Variants in FNDC3A observed in about 807,000 individuals in gnomAD.
The protein encoded by FNDC3A is fibronectin type-III domain-containing protein 3A.
FNDC3A carries 32 observed loss-of-function variants against 148.9 expected under a neutral mutation model. The observed-to-expected ratio is 0.21, with a 90% CI of 0.16 to 0.29. The LOEUF (loss-of-function observed/expected upper bound fraction) is 0.29, where lower values mean the gene tolerates loss of function less well. Among genes scored for constraint, FNDC3A ranks in the 10% least tolerant of loss-of-function variants. The pLI, the probability that FNDC3A is intolerant of heterozygous loss-of-function variation, is 1.00. For synonymous variants in FNDC3A, 472 were observed against 473.6 expected (o/e 1.00, Z 0.04); for missense variants, 1,191 against 1,452.8 (o/e 0.82, Z 2.93).
chr13:49,101,794 GTTT>G (rs570292116), intron 3 of FNDC3A, among the ~76,000 whole-genome samples: 1 of 103,366 alleles, frequency 9.7e-6, no homozygotes, highest in Non-Finnish European at 2.1e-5. Flanking sequence ...ACCTGCTTTA[GTTT>G]TTTTTTTTTT....
At chr13:49,057,710 T>C (rs544208362) in intron 2 of FNDC3A, among the ~76,000 whole-genome samples, 17 of 152,226 alleles carry the variant, frequency 1.1e-4, no homozygotes, top group African/African-American at 3.9e-4. Flanking sequence ...ATAGAATTTT[T>C]GTTCTCAACC....
intron 2 of FNDC3A, among the ~76,000 whole-genome samples, chr13:49,012,726 A>G (rs1441051612): frequency 6.6e-6 from 1 of 151,480 alleles, no homozygotes; most frequent in Non-Finnish European, 1.5e-5. Context: ...GTGAAGTTTT[A>G]TAATTTTTCC....
intron 1 of FNDC3A, among the ~76,000 whole-genome samples, chr13:48,983,130 C>T (rs2137548154): frequency 6.6e-6 from 1 of 152,158 alleles, no homozygotes; most frequent in East Asian, 1.9e-4. Flanking sequence ...TGTCACACTC[C>T]CTCCCCTTTA....
At chr13:49,186,947 GTAAA>G (rs1419315958) in intron 15 of FNDC3A, among the ~76,000 whole-genome samples, 171 bp from the exon 16 acceptor site, 1 of 151,902 alleles carries the variant, frequency 6.6e-6, no homozygotes, top group African/African-American at 2.4e-5. Flanking sequence ...TTTAAATATG[GTAAA>G]TTAAGTGAAA....
In FNDC3A at chr13:49,011,292, G is replaced by C. The variant is rs911418082; in HGVS notation, c.99+5003G>C. ...TCTGTCACCCAGGCTGGAGTGCAGT[G>C]GCGTGATCTCGGCTCACTGCAACCT... On this transcript the variant is annotated intron_variant, in intron 2 of 25. Transcript: ENST00000492622. Among the ~76,000 whole-genome samples, 115 of 151,970 alleles carry C rather than the reference G, an allele frequency of 7.6e-4. 3 individuals carry two copies. Among genetic ancestry groups the C allele is most frequent in the Non-Finnish European group, 1.9e-4 (13 of 67,988 alleles).
At chr13:49,065,229 TG>T (rs1877185417) in intron 2 of FNDC3A, among the ~76,000 whole-genome samples, 1 of 152,184 alleles carries the variant, frequency 6.6e-6, no homozygotes, top group African/African-American at 2.4e-5. Context: ...TCCCCATCTC[TG>T]TGGCATCTTC....
At chr13:49,088,852 C>G (rs1878991975) in intron 3 of FNDC3A, among the ~76,000 whole-genome samples, 1 of 152,096 alleles carries the variant, frequency 6.6e-6, no homozygotes, top group South Asian at 2.1e-4. Context: ...AGGCATGAGG[C>G]ACTGCACACA....
At chr13:49,021,413 A>G (rs1873317881) in intron 2 of FNDC3A, among the ~76,000 whole-genome samples, 1 of 152,210 alleles carries the variant, frequency 6.6e-6, no homozygotes, top group Non-Finnish European at 1.5e-5. Context: ...AAGCCCTGGG[A>G]CTGGGTGTTT....
At chr13:49,076,053 A>T (rs1470348945) in intron 3 of FNDC3A, among the ~76,000 whole-genome samples, 2 of 152,038 alleles carry the variant, frequency 1.3e-5, no homozygotes. Context: ...CAAACAGAAA[A>T]GTCTCTGGAT....
intron 2 of FNDC3A, chr13:49,044,642 C>G (rs1875217196): frequency 4.7e-6 from 1 of 211,794 alleles, no homozygotes; most frequent in South Asian, 7.3e-5. Flanking sequence ...TGCGCTCCAG[C>G]CTGGGCGACA....
intron 1 of FNDC3A, among the ~76,000 whole-genome samples, chr13:48,979,763 TAATTA>T (rs1432733659): frequency 2.0e-5 from 3 of 152,276 alleles, no homozygotes; most frequent in African/African-American, 7.2e-5. Flanking sequence ...GAGTGCTAGA[TAATTA>T]AATATTTTAG....
intron 14 of FNDC3A, among the ~76,000 whole-genome samples, chr13:49,183,915 A>G (rs1885432855): frequency 6.6e-6 from 1 of 152,126 alleles, no homozygotes; most frequent in Admixed American, 6.6e-5. Flanking sequence ...TTGAGCATCT[A>G]CTCTCTGCTA....
rs777060292 is a variant in FNDC3A, at chr13:49,138,735, TA to T, written c.761-11del. On this transcript the variant is annotated splice_polypyrimidine_tract_variant and intron_variant, in intron 6 of 25. Coordinates refer to ENST00000492622, the MANE Select transcript of FNDC3A (RefSeq NM_001079673.2). ...CTTTTTTTTAAATATTCAAATGTTT[TA>T]TTTTTTTAAGAAAAAGATGAAGAAA... 3.7e-6 allele frequency: 5 copies of T among 1,352,032 alleles called. No individual in the cohort carries two copies. The South Asian group carries it at 5.4e-5, about 15-fold the overall frequency. The allele number at this position is 1,352,032 out of a possible 1,614,324, so 83.8% of individuals were successfully genotyped here.
At chr13:49,205,062 C>T (rs1886587629) in intron 25 of FNDC3A, among the ~76,000 whole-genome samples, 1 of 152,220 alleles carries the variant, frequency 6.6e-6, no homozygotes, top group African/African-American at 2.4e-5. Flanking sequence ...CTGTCCTACT[C>T]AGCTCCCTTC....
chr13:49,112,453 A>T (rs1417604515), intron 3 of FNDC3A, among the ~76,000 whole-genome samples: 1 of 152,214 alleles, frequency 6.6e-6, no homozygotes, highest in Non-Finnish European at 1.5e-5. Flanking sequence ...AAAGCAGCTC[A>T]CAAGTTTTAT....
chr13:49,077,184 G>A (rs1056383238), intron 3 of FNDC3A, among the ~76,000 whole-genome samples: 1 of 152,202 alleles, frequency 6.6e-6, no homozygotes, highest in Admixed American at 6.5e-5. Context: ...AAGGTTGGAA[G>A]ATTGCTTGAG....
At chr13:49,000,978 G>T (rs757025516) in intron 1 of FNDC3A, among the ~76,000 whole-genome samples, 2 of 151,954 alleles carry the variant, frequency 1.3e-5, no homozygotes, top group Non-Finnish European at 2.9e-5. Context: ...GTGTGTGTGT[G>T]TGTGTGTAAT....
In FNDC3A at chr13:49,145,781, T is replaced by A. The variant is rs1457132374; in HGVS notation, c.823T>A (p.Ser275Thr). 6.2e-7 allele frequency: 1 copy of A among 1,613,458 alleles called. No individual in the cohort carries two copies. The highest frequency in any genetic ancestry group is 8.5e-7 in the Non-Finnish European group (1 of 1,179,780). ...TTTAAATGTTGTATTTTTACAGGCC[T>A]CCGACATCCAGGCAAGGACAGTAGT... Reference protein sequence around the residue: ...LLSNIVKPVASDIQARTVVLT... With the variant: ...LLSNIVKPVATDIQARTVVLT... Residue 275 changes from serine (S) to threonine (T), a missense_variant, in exon 8 of 26, where the codon TCC becomes ACC. Around this residue, in one of 3 missense-constraint regions of FNDC3A, gnomAD observed 426 missense variants for 473.2 expected, o/e 0.90. Transcript: ENST00000492622.
chr13:49,119,178 G>A (rs188665852), intron 4 of FNDC3A, among the ~76,000 whole-genome samples: 1 of 152,202 alleles, frequency 6.6e-6, no homozygotes, highest in Non-Finnish European at 1.5e-5. Context: ...AGTCTTTGCT[G>A]TTCTGCAGCC....
Sources: gnomAD v4.1 joint callset for allele counts (sites outside exome capture counted in the v4.1 genomes callset) on GRCh38, gnomAD v4.1.1 for gene constraint, gnomAD v4.1.1 regional missense constraint, MANE v1.5 for transcripts, NCBI Gene and HGNC (gene_info 2026-07-23, HGNC 2026-07-21) for gene names.